CEP152: variants seen among roughly 807,000 people sequenced by gnomAD.
CEP152 encodes centrosomal protein 152.
Under a neutral mutation model 188.9 loss-of-function variants are expected in CEP152, and 132 were observed. The observed-to-expected ratio is 0.70, with a 90% CI of 0.61 to 0.81. The LOEUF is 0.81. Among genes scored for constraint, CEP152 ranks in the 30% least tolerant of loss-of-function variants. CEP152 has a pLI of 0.00. For synonymous variants in CEP152, 649 were observed against 666.6 expected, an observed-to-expected ratio of 0.97 and a Z score of 0.41; for missense variants, 1,914 against 1,969.8, an observed-to-expected ratio of 0.97 and a Z score of 0.54.
At chr15:48,781,712 T>C (rs1896253784) in intron 11 of CEP152, among the ~76,000 whole-genome samples, 1 of 152,172 alleles carries the variant, frequency 6.6e-6, no homozygotes, top group Non-Finnish European at 1.5e-5. Context: ...GAACAGGTTG[T>C]ACTTTAGCCT....
At position 48,767,120 on chromosome 15, in the gene CEP152, C is replaced by T. The variant is rs759058291; in HGVS notation, c.2220G>A (p.Lys740=). Residue 740 remains lysine, a synonymous_variant, in exon 17 of 27, where the codon AAG becomes AAA. Coordinates refer to ENST00000380950, the MANE Select transcript of CEP152 (RefSeq NM_001194998.2). ...TCCTGAGAGTCAATTCTAGATTATC[C>T]TTCTCTCTGCACACTTCTAGGTAAC... ...QECYLEVCRE[K]DNLELTLRKT... is the part of the protein sequence containing the mutation. 5 of 1,613,526 alleles carry T rather than the reference C, an allele frequency of 3.1e-6. No homozygotes were observed. In the African/African-American group the frequency reaches 6.7e-5, roughly 22 times the overall value.
downstream of CEP152, among the ~76,000 whole-genome samples, chr15:48,736,353 T>C (rs1566969322): frequency 6.6e-6 from 1 of 152,082 alleles, no homozygotes; most frequent in Non-Finnish European, 1.5e-5. Context: ...AAGAGACCAA[T>C]ATCTCTCAAG....
chr15:48,744,884 G>GTTTT lies in CEP152; in HGVS notation c.3731+11_3731+12insAAAA. On this transcript the variant is annotated intron_variant, in intron 23 of 26. Transcript: ENST00000380950. ...TTCTTTAAAATAGCACTTTAAAATA[G>GTTTT]TAAAAGTATACCTTGGTGGTGTTTT... 1 of 1,597,770 alleles carries GTTTT rather than the reference G, an allele frequency of 6.3e-7. No homozygotes were observed. Among genetic ancestry groups the GTTTT allele is most frequent in the Non-Finnish European group, 8.5e-7 (1 of 1,173,560 alleles).
chr15:48,744,747 A>G, intron 23 of CEP152, 149 bp downstream of exon 23: 1 of 729,834 alleles, frequency 1.4e-6, no homozygotes, highest in Non-Finnish European at 2.2e-6. Flanking sequence ...AGGTCACTAG[A>G]GGGTATCTTC....
At chr15:48,804,817 T>C (rs1402011099) in intron 2 of CEP152, among the ~76,000 whole-genome samples, 1 of 152,226 alleles carries the variant, frequency 6.6e-6, no homozygotes, top group Admixed American at 6.5e-5. Context: ...ACAAACACCT[T>C]ATCATGGCTT....
At chr15:48,783,907 C>T in intron 10 of CEP152, 66 bp downstream of exon 10, 2 of 1,547,450 alleles carry the variant, frequency 1.3e-6, no homozygotes, top group Non-Finnish European at 1.8e-6. Flanking sequence ...GTCATGGATC[C>T]TACTACATTC....
At chr15:48,740,536 G>A (rs973687050) in intron 26 of CEP152, 1 of 147,436 alleles carries the variant, frequency 6.8e-6, no homozygotes, top group Non-Finnish European at 1.5e-5. Context: ...GATTTTGTTA[G>A]ATTGAAAATG....
rs9302144 is a variant in CEP152 at position 48,767,476 on chromosome 15, C to A, written c.2019-13G>T. 1 of 1,613,818 alleles carries A rather than the reference C, an allele frequency of 6.2e-7. No homozygotes were observed. The highest frequency in any genetic ancestry group is 1.7e-5 in the Admixed American group (1 of 59,998). ...AGTCCTTTCACACCTGGAAACAGAG[C>A]GGAATCAAAGGCAATGCCCAGTCTC... On this transcript the variant is annotated splice_polypyrimidine_tract_variant and intron_variant, in intron 15 of 26. Transcript: ENST00000380950.
chr15:48,774,829 GA>G (rs1201843622), intron 12 of CEP152, among the ~76,000 whole-genome samples: 1 of 151,952 alleles, frequency 6.6e-6, no homozygotes, highest in Non-Finnish European at 1.5e-5. Context: ...CCAAATGCTG[GA>G]ACTGTCACTA....
chr15:48,809,572 C>T (rs1369984076), intron 1 of CEP152, among the ~76,000 whole-genome samples: 1 of 152,136 alleles, frequency 6.6e-6, no homozygotes, highest in East Asian at 1.9e-4. Context: ...AGAATGAGGG[C>T]ACTCATTCAG....
chr15:48,788,423 T>A (rs139894969), intron 9 of CEP152, among the ~76,000 whole-genome samples: 1 of 140,500 alleles, frequency 7.1e-6, no homozygotes, highest in Non-Finnish European at 1.5e-5. Context: ...AACCTCTGCC[T>A]CCCGGGTTCA....
intron 9 of CEP152, among the ~76,000 whole-genome samples, chr15:48,784,378 T>A (rs1896481435): frequency 1.3e-5 from 2 of 152,218 alleles, no homozygotes; most frequent in Non-Finnish European, 2.9e-5. Context: ...CCTTCAACTC[T>A]ATATTCACAA....
chr15:48,769,441 C>T (rs1010392659), intron 13 of CEP152, among the ~76,000 whole-genome samples: 1 of 152,166 alleles, frequency 6.6e-6, no homozygotes, highest in Non-Finnish European at 1.5e-5. Context: ...TCTAAGAATA[C>T]TAACCCGTTA....
chr15:48,799,782 T>C (rs916172574), intron 2 of CEP152, among the ~76,000 whole-genome samples: 2 of 152,188 alleles, frequency 1.3e-5, no homozygotes, highest in Non-Finnish European at 2.9e-5. Flanking sequence ...GCAAAGCAAT[T>C]CTACAAAGAC....
intron 12 of CEP152, among the ~76,000 whole-genome samples, chr15:48,779,375 TA>T (rs1306615411): frequency 2.0e-5 from 3 of 152,256 alleles, no homozygotes; most frequent in Non-Finnish European, 4.4e-5. Flanking sequence ...TTGGATTTGA[TA>T]TTTTTCACAA....
At chr15:48,776,991 A>T (rs1055410179) in intron 12 of CEP152, among the ~76,000 whole-genome samples, 1 of 152,126 alleles carries the variant, frequency 6.6e-6, no homozygotes, top group African/African-American at 2.4e-5. Context: ...CCATGAGAAA[A>T]ACGTAATCAT....
chr15:48,735,950 A>G (rs1305755473), downstream of CEP152, among the ~76,000 whole-genome samples: 1 of 152,190 alleles, frequency 6.6e-6, no homozygotes, highest in Non-Finnish European at 1.5e-5. Flanking sequence ...AAAATCAGGA[A>G]TGAAAGGGGG....
At position 48,767,169 on chromosome 15, in the gene CEP152, T is replaced by C; in HGVS notation, c.2171A>G (p.Lys724Arg). 6.2e-7 allele frequency: 1 copy of C among 1,613,868 alleles called. No homozygotes were observed. Among genetic ancestry groups the C allele is most frequent in the Non-Finnish European group, 8.5e-7 (1 of 1,180,028 alleles). Residue 724 changes from lysine to arginine, a missense_variant, in exon 17 of 27, where the codon AAG becomes AGG. Coordinates refer to ENST00000380950, the MANE Select transcript of CEP152 (RefSeq NM_001194998.2). ...ACATTCCTGCACAGCAGTCACCTCC[T>C]TATTCAACTTATCCAACTCAGACCT... ...QLRSELDKLN[K>R]EVTAVQECYL... is the part of the protein sequence containing the mutation.
chr15:48,736,241 A>C (rs1474015636), downstream of CEP152, among the ~76,000 whole-genome samples: 1 of 152,208 alleles, frequency 6.6e-6, no homozygotes, highest in Non-Finnish European at 1.5e-5. Flanking sequence ...CCAATGCTAC[A>C]CCAATTCTTT....
Sources: gnomAD v4.1 joint callset for allele counts (sites outside exome capture counted in the v4.1 genomes callset) on GRCh38, gnomAD v4.1.1 for gene constraint, MANE v1.5 for transcripts, NCBI Gene and HGNC (gene_info 2026-07-23, HGNC 2026-07-21) for gene names.